The following SAMD12 variants were observed in gnomAD, a reference collection of about 807,000 sequenced individuals.
The protein encoded by SAMD12 is sterile alpha motif domain-containing protein 12.
SAMD12 carries 9 observed loss-of-function variants against 15.0 expected under a neutral mutation model. That is an observed-to-expected ratio of 0.60 (90% CI 0.36 to 1.05). The LOEUF is 1.05. SAMD12 is among the 50% of genes least tolerant of loss of function. The pLI is 0.01. For missense variants in SAMD12, 230 were observed against 234.2 expected (o/e 0.98, Z 0.12); for synonymous variants, 86 against 90.1 (o/e 0.96, Z 0.25).
intron 2 of SAMD12, among the ~76,000 whole-genome samples, chr8:118,554,125 T>A (rs567093959): frequency 9.9e-5 from 15 of 152,080 alleles, no homozygotes; most frequent in African/African-American, 3.4e-4. Flanking sequence ...GTCAGTGTGG[T>A]GATTCCTCAG....
intron 3 of SAMD12, among the ~76,000 whole-genome samples, chr8:118,400,828 A>G (rs989283593): frequency 1.3e-5 from 2 of 152,180 alleles, no homozygotes; most frequent in African/African-American, 4.8e-5. Flanking sequence ...ATTCCAATGA[A>G]TACTGATCAG....
intron 3 of SAMD12, among the ~76,000 whole-genome samples, chr8:118,413,833 AT>A (rs1821549757): frequency 6.6e-6 from 1 of 150,580 alleles, no homozygotes; most frequent in Non-Finnish European, 1.5e-5. Context: ...CGAAATACAC[AT>A]TTTATAACAT....
At chr8:118,545,564 T>A (rs1282107554) in intron 2 of SAMD12, among the ~76,000 whole-genome samples, 2 of 152,294 alleles carry the variant, frequency 1.3e-5, no homozygotes, top group Admixed American at 1.3e-4. Flanking sequence ...TGAATTAGGG[T>A]ATCTACTTCT....
intron 3 of SAMD12, among the ~76,000 whole-genome samples, chr8:118,380,081 G>A (rs1174393355): frequency 1.3e-5 from 2 of 152,176 alleles, no homozygotes; most frequent in African/African-American, 2.4e-5. Flanking sequence ...TGGCCCACAG[G>A]AGCCCAAGTC....
the SAMD12 span, among the ~76,000 whole-genome samples, chr8:118,161,862 A>T: frequency 6.6e-6 from 1 of 151,822 alleles, no homozygotes; most frequent in Non-Finnish European, 1.5e-5. Flanking sequence ...TGGTGATAGA[A>T]AAAAAGCAAA....
chr8:118,209,339 G>T (rs1446042067), intron 4 of SAMD12, among the ~76,000 whole-genome samples: 1 of 152,218 alleles, frequency 6.6e-6, no homozygotes. Flanking sequence ...TCAGCTCTCA[G>T]CAGGTTACAA....
At chr8:118,341,260 C>A (rs571231874) in intron 4 of SAMD12, among the ~76,000 whole-genome samples, 11 of 152,146 alleles carry the variant, frequency 7.2e-5, no homozygotes, top group Non-Finnish European at 1.6e-4. Flanking sequence ...CATGTCCCAA[C>A]AGATAGAAAA....
intron 2 of SAMD12, among the ~76,000 whole-genome samples, chr8:118,498,296 C>T (rs1824684671): frequency 6.6e-6 from 1 of 152,058 alleles, no homozygotes; most frequent in South Asian, 2.1e-4. Flanking sequence ...GAAGACAGGT[C>T]CATTATTATG....
intron 4 of SAMD12, among the ~76,000 whole-genome samples, chr8:118,201,067 G>A (rs1444788180): frequency 6.6e-6 from 1 of 152,154 alleles, no homozygotes; most frequent in Non-Finnish European, 1.5e-5. Context: ...CACTTTGCTA[G>A]AGACTTATCT....
At chr8:118,391,990 G>C (rs1820301423) in intron 3 of SAMD12, among the ~76,000 whole-genome samples, 1 of 151,908 alleles carries the variant, frequency 6.6e-6, no homozygotes, top group Admixed American at 6.6e-5. Flanking sequence ...CCCAGGGCTG[G>C]ATTAGCCAGT....
chr8:118,414,596 T>C (rs1373718471), intron 3 of SAMD12, among the ~76,000 whole-genome samples: 1 of 152,220 alleles, frequency 6.6e-6, no homozygotes, highest in Non-Finnish European at 1.5e-5. Context: ...TATTCCATCA[T>C]TGTAATAGAC....
At chr8:118,615,920 C>T (rs957980091) in intron 1 of SAMD12, among the ~76,000 whole-genome samples, 3 of 152,186 alleles carry the variant, frequency 2.0e-5, no homozygotes, top group African/African-American at 4.8e-5. Context: ...GAACTGCTGC[C>T]ACAGCAAGTT....
At chr8:118,339,534 C>T (rs1817245770) in intron 4 of SAMD12, among the ~76,000 whole-genome samples, 1 of 152,220 alleles carries the variant, frequency 6.6e-6, no homozygotes, top group Admixed American at 6.5e-5. Context: ...TGGTGTCTAT[C>T]CTAAATCTTT....
At chr8:118,301,938 A>T (rs1272406264) in intron 4 of SAMD12, among the ~76,000 whole-genome samples, 3 of 152,208 alleles carry the variant, frequency 2.0e-5, no homozygotes, top group African/African-American at 7.2e-5. Flanking sequence ...CAAAGATAAT[A>T]CACTGAGAAG....
chr8:118,391,735 C>G (rs757265392), intron 3 of SAMD12, among the ~76,000 whole-genome samples: 8 of 152,086 alleles, frequency 5.3e-5, no homozygotes, highest in Non-Finnish European at 1.2e-4. Flanking sequence ...TCAGGGATTT[C>G]TTAGGTAGAA....
intron 2 of SAMD12, among the ~76,000 whole-genome samples, chr8:118,458,835 C>T (rs541734215): frequency 2.4e-4 from 37 of 152,150 alleles, no homozygotes; most frequent in Admixed American, 7.2e-4. Context: ...TACTGTTATT[C>T]GTTCAAAAGT....
At position 118,274,930 on chromosome 8, in the gene SAMD12, T is replaced by A. The variant is rs368964272; in HGVS notation, c.434-77198A>T. 2.6e-5 allele frequency among the ~76,000 whole-genome samples: 4 copies of A among 152,318 alleles called. No individual in the cohort carries two copies. In the East Asian group the frequency reaches 7.7e-4, roughly 29 times the overall value. On this transcript the variant is annotated intron_variant, in intron 4 of 4. Transcript: ENST00000409003. ...GTTGCTATGAATATTCTTGTGCATG[T>A]CTCCTGGTGTACAAGTTATGCTCTA...
At chr8:118,352,589 A>T (rs1478198489) in intron 4 of SAMD12, among the ~76,000 whole-genome samples, 1 of 152,240 alleles carries the variant, frequency 6.6e-6, no homozygotes, top group Non-Finnish European at 1.5e-5. Flanking sequence ...TATTTAACAG[A>T]GACCAAATGT....
exon 5 of SAMD12, chr8:118,196,497 T>C (rs1420384711): frequency 6.6e-6 from 1 of 151,316 alleles, no homozygotes; most frequent in East Asian, 1.9e-4. Context: ...TCGTAAGACA[T>C]AGTTAAAAAA....
Sources: allele counts gnomAD v4.1 joint callset (sites outside exome capture counted in the v4.1 genomes callset), GRCh38; gene constraint gnomAD v4.1.1; transcripts MANE v1.5; gene names NCBI Gene and HGNC (gene_info 2026-07-23, HGNC 2026-07-21).